The following ROBO3 variants were observed in gnomAD, a reference collection of about 807,000 sequenced individuals.
ROBO3 encodes the protein roundabout homolog 3.
In ROBO3, 97 loss-of-function variants were observed where a neutral mutation model predicts 160.5. The observed-to-expected ratio is 0.60, with a 90% CI of 0.51 to 0.72. The LOEUF (loss-of-function observed/expected upper bound fraction) is 0.72. Among genes scored for constraint, ROBO3 ranks in the 30% least tolerant of loss-of-function variants. The pLI is 0.00. For synonymous variants in ROBO3, 780 were observed against 746.2 expected, an observed-to-expected ratio of 1.05 and a Z score of -0.74; for missense variants, 1,858 against 1,846.5, an observed-to-expected ratio of 1.01 and a Z score of -0.11.
At chr11:124,868,525 C>T in intron 1 of ROBO3, 1 of 612,058 alleles carries the variant, frequency 1.6e-6, no homozygotes, top group Non-Finnish European at 2.9e-6. Flanking sequence ...AGACGGAGGT[C>T]TCTAGGTGGT....
Position 124,876,515 on chromosome 11 carries a change from G to A in ROBO3, c.2779+55G>A. 7.6e-7 allele frequency: 1 copy of A among 1,320,176 alleles called. No homozygotes were observed. 81.8% of individuals were successfully genotyped at this position (1,320,176 alleles called of 1,614,324 possible). Reference sequence around the variant, plus strand: ...CCGGGAGGGAGCCAGGCGGCCCATGGGGAGGGGCAGGGGCTTAGCCGCTGG... The same window carrying A: ...CCGGGAGGGAGCCAGGCGGCCCATGAGGAGGGGCAGGGGCTTAGCCGCTGG... On this transcript the variant is annotated intron_variant, in intron 17 of 27. Transcript: ENST00000397801. The surrounding 1 kb of genome is among the most constrained non-coding windows in gnomAD (Gnocchi z 5.3).
chr11:124,880,316 A>C, intron 26 of ROBO3, 102 bp from the exon 27 acceptor site: 1 of 1,516,576 alleles, frequency 6.6e-7, no homozygotes. Flanking sequence ...CCTGCCCTTC[A>C]TCTTCTTCCA....
rs551044876 is a variant in ROBO3, at chr11:124,871,545, C to A, written c.1158+407C>A. On this transcript the variant is annotated intron_variant, in intron 7 of 27. Transcript: ENST00000397801. ...GCTGCTCAGGGTAGAAAAGTACTCG[C>A]TCTTCTATTTATAAGAGCAACAAGG... Among the ~76,000 whole-genome samples the A allele has an allele frequency of 5.3e-5, 8 of 152,322 alleles. No individual in the cohort carries two copies. In the South Asian group the frequency reaches 1.7e-3, roughly 32 times the overall value.
Position 124,876,408 on chromosome 11 carries a change from C to T in ROBO3, c.2727C>T (p.Cys909=). ...AACGALLLGL[C]AALYWRRKQR... ...GCGGGGCGCTGCTTCTCGGGCTCTG[C>T]GCCGCCCTCTACTGGCGCCGGAAAC... The change falls in exon 17 of 28, where the codon TGC becomes TGT. Residue 909 remains cysteine (C), a synonymous_variant. Transcript: ENST00000397801. The surrounding 1 kb of genome is among the most constrained non-coding windows in gnomAD (Gnocchi z 5.3). The T allele has an allele frequency of 4.8e-6, 7 of 1,452,526 alleles. No homozygotes were observed. Among genetic ancestry groups the T allele is most frequent in the Non-Finnish European group, 5.4e-6 (6 of 1,108,948 alleles). 90.0% of individuals were successfully genotyped at this position (1,452,526 alleles called of 1,614,324 possible).
chr11:124,876,176 C>T lies in ROBO3; in HGVS notation c.2593+51C>T, dbSNP rs1244533081. Reference sequence around the variant, plus strand: ...AGGATCTTGACGGGGGCGGGGCAAGCCCCCCACTGGGGTAGCTGTGCCTGC... The same window carrying T: ...AGGATCTTGACGGGGGCGGGGCAAGTCCCCCACTGGGGTAGCTGTGCCTGC... On this transcript the variant is annotated intron_variant, in intron 16 of 27. Transcript: ENST00000397801. This position sits in a 1 kb window ranked among gnomAD's most constrained non-coding sequence, Gnocchi z 5.3. 7.7e-6 allele frequency: 12 copies of T among 1,550,076 alleles called. No individual in the cohort carries two copies. In the Admixed American group the frequency reaches 1.5e-4, roughly 19 times the overall value.
intron 1 of ROBO3, among the ~76,000 whole-genome samples, chr11:124,866,294 G>A (rs1367711572): frequency 6.6e-6 from 1 of 152,204 alleles, no homozygotes; most frequent in Non-Finnish European, 1.5e-5. Context: ...CTCTCAGCCG[G>A]CCCACCCCGG....
At chr11:124,875,364 G>C (rs1413124340) in intron 14 of ROBO3, 28 bp downstream of exon 14, 1 of 1,534,846 alleles carries the variant, frequency 6.5e-7, no homozygotes, top group Non-Finnish European at 8.9e-7. Flanking sequence ...ACAGATGGAT[G>C]GACAAGAGGG....
Position 124,869,660 on chromosome 11 carries a change from G to C in ROBO3, c.645+53G>C. 1 of 1,500,572 alleles carries C rather than the reference G, an allele frequency of 6.7e-7. No individual in the cohort carries two copies. Among genetic ancestry groups the C allele is most frequent in the Non-Finnish European group, 8.9e-7 (1 of 1,117,962 alleles). The allele number at this position is 1,500,572 out of a possible 1,614,324, so 93.0% of individuals were successfully genotyped here. On this transcript the variant is annotated intron_variant, in intron 3 of 27. Transcript: ENST00000397801. This position sits in a 1 kb window ranked among gnomAD's most constrained non-coding sequence, Gnocchi z 4.2. ...CCAACAAGGGAGGGGACATAGGGTA[G>C]GGAGGTGACAAGGCTGGAGATTGAG...
In ROBO3 at chr11:124,872,770, C is replaced by T. The variant is rs562407514; in HGVS notation, c.1331-114C>T. 19 of 1,024,300 alleles carry T rather than the reference C, an allele frequency of 1.9e-5. No homozygotes were observed. The East Asian group carries it at 3.7e-4, about 20-fold the overall frequency. The allele number at this position is 1,024,300 out of a possible 1,614,324, so 63.5% of individuals were successfully genotyped here. On this transcript the variant is annotated intron_variant, in intron 8 of 27. Coordinates refer to ENST00000397801, the MANE Select transcript of ROBO3 (RefSeq NM_022370.4). The surrounding 1 kb of genome is among the most constrained non-coding windows in gnomAD (Gnocchi z 4.3). ...GATTATCAAAGCCCCCTCTGATCAC[C>T]GGAAGTTTCAGGGGCTGGGGTAGGG...
intron 27 of ROBO3, among the ~76,000 whole-genome samples, 188 bp from the exon 28 acceptor site, chr11:124,881,051 C>T (rs771563656): frequency 1.3e-5 from 2 of 152,056 alleles, no homozygotes; most frequent in Non-Finnish European, 2.9e-5. Flanking sequence ...GAGACTCTGT[C>T]TCAAACAAAC....
chr11:124,878,673 C>T lies in ROBO3; in HGVS notation c.3410C>T (p.Ser1137Phe). ...SSSGGCLVTP[S>F]RRETPSPTPS... ...AGTGGAGGGTGCCTGGTCACCCCAT[C>T]CCGAAGGGAAACCCCCTCTCCCACA... Residue 1137 changes from serine (S) to phenylalanine (F), a missense_variant, in exon 23 of 28, where the codon TCC becomes TTC. Physicochemically the swap from Ser to Phe is radical, Grantham distance 155. Transcript: ENST00000397801. The surrounding 1 kb of genome is among the most constrained non-coding windows in gnomAD (Gnocchi z 4.3). 6.2e-7 allele frequency: 1 copy of T among 1,613,684 alleles called. No homozygotes were observed. Among genetic ancestry groups the T allele is most frequent in the East Asian group, 2.2e-5 (1 of 44,868 alleles).
chr11:124,867,064 C>A (rs920724498), intron 1 of ROBO3, among the ~76,000 whole-genome samples: 2 of 152,068 alleles, frequency 1.3e-5, no homozygotes, highest in African/African-American at 4.8e-5. Context: ...GCCGAGAAAA[C>A]GCTTTATAGA....
rs1169204009 is a variant in ROBO3, at chr11:124,865,789, G to C, written c.160+52G>C. On this transcript the variant is annotated intron_variant, in intron 1 of 27. Coordinates refer to ENST00000397801, the MANE Select transcript of ROBO3 (RefSeq NM_022370.4). The surrounding 1 kb of genome is among the most constrained non-coding windows in gnomAD (Gnocchi z 5.5). The stretch of plus-strand genomic sequence containing the variant: ...GGATCCTGGGATGGGGATGAGGTGA[G>C]AGGGCGGCGTGGAAGGGAAGGAGAA... The C allele has an allele frequency of 1.3e-6, 2 of 1,534,340 alleles. No individual in the cohort carries two copies. The highest frequency in any genetic ancestry group is 8.8e-7 in the Non-Finnish European group (1 of 1,139,402).
Position 124,876,671 on chromosome 11 carries a change from C to A in ROBO3, c.2779+211C>A, listed in dbSNP as rs1458990430. ...GCTGCGGGCCAAGACGGGGCGGGAT[C>A]TGGATGACGTTTGCCTCTAAGACGC... On this transcript the variant is annotated intron_variant, in intron 17 of 27. Coordinates refer to ENST00000397801, the MANE Select transcript of ROBO3 (RefSeq NM_022370.4). This position sits in a 1 kb window ranked among gnomAD's most constrained non-coding sequence, Gnocchi z 5.3. 3 of 486,236 alleles carry A rather than the reference C, an allele frequency of 6.2e-6. No homozygotes were observed. Among genetic ancestry groups the A allele is most frequent in the Non-Finnish European group, 1.1e-5 (3 of 283,094 alleles). 30.1% of individuals were successfully genotyped at this position (486,236 alleles called of 1,614,324 possible). A position where few individuals can be genotyped will look rare whatever the true frequency, so the allele number is the denominator to read the frequency against.
chr11:124,877,805 T>C, intron 20 of ROBO3, 132 bp from the exon 21 acceptor site: 1 of 1,205,112 alleles, frequency 8.3e-7, no homozygotes, highest in South Asian at 1.4e-5. Context: ...CAGACCTACC[T>C]CCACCCTGGT....
At position 124,881,286 on chromosome 11, in the gene ROBO3, C is replaced by G; in HGVS notation, c.*36C>G. On this transcript the variant is annotated 3_prime_UTR_variant, in exon 28 of 28. Transcript: ENST00000397801. The stretch of plus-strand genomic sequence containing the variant: ...GGCATTGAGAATATCATGAGTGCCA[C>G]GGGGAAGGGGAGTAGGGATGTCTTT... The G allele has an allele frequency of 1.3e-6, 2 of 1,588,064 alleles. No homozygotes were observed. Among genetic ancestry groups the G allele is most frequent in the South Asian group, 1.1e-5 (1 of 87,098 alleles).
chr11:124,870,050 G>C lies in ROBO3; in HGVS notation c.748G>C (p.Ala250Pro). Residue 250 changes from alanine (A) to proline (P), a missense_variant, in exon 4 of 28, where the codon GCT (alanine) becomes CCT (proline). Transcript: ENST00000397801. ...NMAGERESAAAEVMVLERPSF... is the reference protein window; with the variant it reads ...NMAGERESAAPEVMVLERPSF... ...GGCGGGAGAACGGGAGAGTGCGGCA[G>C]CTGAAGTCATGGTACTGGGTAGGCA... is the stretch of plus-strand genomic sequence containing the variant. 6.2e-7 allele frequency: 1 copy of C among 1,614,042 alleles called. No homozygotes were observed. Among genetic ancestry groups the C allele is most frequent in the Non-Finnish European group, 8.5e-7 (1 of 1,179,898 alleles).
At chr11:124,874,654 A>C in intron 12 of ROBO3, 134 bp from the exon 13 acceptor site, 1 of 1,091,544 alleles carries the variant, frequency 9.2e-7, no homozygotes, top group Non-Finnish European at 1.3e-6. Flanking sequence ...TATTTTCCTG[A>C]CCAGTCCCCT....
chr11:124,875,845 A>C (rs1183038196), intron 15 of ROBO3, 109 bp from the exon 16 acceptor site: 3 of 1,455,240 alleles, frequency 2.1e-6, no homozygotes, highest in Non-Finnish European at 2.8e-6. Flanking sequence ...TGTTGTTTCC[A>C]GGTTGAATTA....
Sources: gnomAD v4.1 joint callset for allele counts (sites outside exome capture counted in the v4.1 genomes callset) on GRCh38, gnomAD v4.1.1 for gene constraint, Gnocchi (gnomAD v3.1) non-coding constraint, MANE v1.5 for transcripts, NCBI Gene and HGNC (gene_info 2026-07-23, HGNC 2026-07-21) for gene names.